The following CDHR3 variants were observed in gnomAD, a reference collection of about 807,000 sequenced individuals.
The protein encoded by CDHR3 is cadherin related family member 3, also known as cadherin-related family member 3.
Under a neutral mutation model 86.6 loss-of-function variants are expected in CDHR3, and 79 were observed. That is an observed-to-expected ratio of 0.91 (90% CI 0.76 to 1.10). The LOEUF (loss-of-function observed/expected upper bound fraction) is 1.10, where lower values mean the gene tolerates loss of function less well. Among genes scored for constraint, CDHR3 ranks in the 50% least tolerant of loss-of-function variants. The pLI is 0.00. For synonymous variants in CDHR3, 421 were observed against 402.4 expected (o/e 1.05, Z -0.55); for missense variants, 1,081 against 1,077.6 (o/e 1.00, Z -0.04).
rs749156025 is a variant in CDHR3 at position 106,032,665 on chromosome 7, A to T, written c.2626A>T (p.Arg876Trp). 2 of 1,613,534 alleles carry T rather than the reference A, an allele frequency of 1.2e-6. No homozygotes were observed. The highest frequency in any genetic ancestry group is 1.7e-6 in the Non-Finnish European group (2 of 1,179,698). ...GAACAGAAATCCAGCCTTCATGAAC[A>T]GGGCTTACCCCAAACCACACCCAGG... ...PKNRNPAFMN[R>W]AYPKPHPGK The change falls in exon 19 of 19, where the codon AGG (arginine) becomes TGG (tryptophan). Residue 876 changes from arginine (R) to tryptophan (W), a missense_variant. Transcript: ENST00000317716.
rs1055861839 is a variant in CDHR3, at chr7:106,015,201, C to T, written c.1315C>T (p.Pro439Ser). 1.2e-6 allele frequency: 2 copies of T among 1,608,008 alleles called. No individual in the cohort carries two copies. Among genetic ancestry groups the T allele is most frequent in the South Asian group, 1.1e-5 (1 of 89,306 alleles). ...AATCCAGGTGCAGGATGTGGCCCCC[C>T]CTTACTATAAAAGCAAGTATCATTT... ...VIIQVQDVAP[P>S]YYKNNVYVYI... Residue 439 changes from proline (P) to serine (S), a missense_variant, in exon 10 of 19, where the codon CCT (proline) becomes TCT (serine). Pro to Ser is a moderately conservative substitution (Grantham distance 74). Transcript: ENST00000317716.
At chr7:106,010,019 T>A (rs906486949) in intron 8 of CDHR3, among the ~76,000 whole-genome samples, 2 of 152,112 alleles carry the variant, frequency 1.3e-5, no homozygotes, top group Non-Finnish European at 2.9e-5. Flanking sequence ...ATACCAACTG[T>A]CAGGGACGAA....
intron 1 of CDHR3, among the ~76,000 whole-genome samples, chr7:105,974,432 A>C (rs1012167175): frequency 6.6e-6 from 1 of 152,182 alleles, no homozygotes; most frequent in Non-Finnish European, 1.5e-5. Context: ...CAGAGAAGGA[A>C]AACAAACTCT....
At position 106,030,987 on chromosome 7, in the gene CDHR3, T is replaced by C. The variant is rs1838242791; in HGVS notation, c.2353+147T>C. ...CTATATAGTGCTGACTCTTCTAGGC[T>C]AAATACAACGTGAGATCAGCTGTGA... is the stretch of plus-strand genomic sequence containing the variant. On this transcript the variant is annotated intron_variant, in intron 18 of 18. Coordinates refer to ENST00000317716, the MANE Select transcript of CDHR3 (RefSeq NM_152750.5). The surrounding 1 kb of genome is among the most constrained non-coding windows in gnomAD (Gnocchi z 4.8). 1 of 747,668 alleles carries C rather than the reference T, an allele frequency of 1.3e-6. No individual in the cohort carries two copies. The highest frequency in any genetic ancestry group is 2.2e-6 in the Non-Finnish European group (1 of 446,142). 46.3% of individuals were successfully genotyped at this position (747,668 alleles called of 1,614,324 possible).
intron 5 of CDHR3, among the ~76,000 whole-genome samples, chr7:105,996,036 T>C (rs995652566): frequency 2.6e-5 from 4 of 152,018 alleles, no homozygotes; most frequent in Admixed American, 1.3e-4. Flanking sequence ...TGGTGGTGAA[T>C]AGCCCCTGCA....
chr7:105,994,002 G>C (rs1831800835), intron 4 of CDHR3, among the ~76,000 whole-genome samples: 1 of 152,174 alleles, frequency 6.6e-6, no homozygotes, highest in South Asian at 2.1e-4. Flanking sequence ...CACGTGCCAG[G>C]GATTAGATTT....
chr7:105,984,263 G>A lies in CDHR3; in HGVS notation c.487G>A (p.Asp163Asn), dbSNP rs1252404040. Residue 163 changes from aspartate (D) to asparagine (N), a missense_variant, in exon 4 of 19, where the codon GAC becomes AAC. Physicochemically the swap from Asp to Asn is conservative, Grantham distance 23. Transcript: ENST00000317716. ...IYQVEAFDPE[D>N]TSRNIPLSYF... ...CCAGGTTGAGGCCTTCGATCCAGAA[G>A]ACACAAGCCGAAACATTCCCCTCAG... 6.2e-7 allele frequency: 1 copy of A among 1,610,122 alleles called. No homozygotes were observed. The highest frequency in any genetic ancestry group is 1.3e-5 in the African/African-American group (1 of 74,868).
In CDHR3 at chr7:106,022,416, C is replaced by T. The variant is rs776084252; in HGVS notation, c.2044C>T (p.His682Tyr). The change falls in exon 14 of 19, where the codon CAC (histidine) becomes TAC (tyrosine). Residue 682 changes from histidine (H) to tyrosine (Y), a missense_variant. Coordinates refer to ENST00000317716, the MANE Select transcript of CDHR3 (RefSeq NM_152750.5). The part of the protein sequence containing the change: ...TVTLSIKVIP[H>Y]PTTIITTTPR... ...GACACTGAGTATTAAAGTCATTCCC[C>T]ACCCAACCACTATCATCACCACGAC... 3.8e-5 allele frequency: 62 copies of T among 1,613,902 alleles called. No homozygotes were observed. Among genetic ancestry groups the T allele is most frequent in the Non-Finnish European group, 5.1e-5 (60 of 1,179,886 alleles).
In CDHR3 at chr7:106,004,533, C is replaced by T. The variant is rs772061729; in HGVS notation, c.898C>T (p.Arg300Ter). ...AATCCAAGTGGCCCAAAGGATAGACCGAGATGCAGGTGAATTGAGACAAAA... is the reference window on the plus strand; with the variant it reads ...AATCCAAGTGGCCCAAAGGATAGACTGAGATGCAGGTGAATTGAGACAAAA... The part of the protein sequence containing the change: ...GTIQVAQRID[R>*]DAGELRQNPT... The change falls in exon 8 of 19, where the codon CGA becomes TGA. Residue 300 changes from arginine (R) to a stop codon, truncating the protein, a stop_gained. Transcript: ENST00000317716. LOFTEE classifies it high-confidence loss of function. The T allele has an allele frequency of 5.3e-5, 86 of 1,613,828 alleles. No homozygotes were observed. The highest frequency in any genetic ancestry group is 6.5e-5 in the Non-Finnish European group (77 of 1,179,886).
In CDHR3 at chr7:105,974,976, C is replaced by G; in HGVS notation, c.179C>G (p.Pro60Arg). 1 of 1,613,886 alleles carries G rather than the reference C, an allele frequency of 6.2e-7. No homozygotes were observed. Among genetic ancestry groups the G allele is most frequent in the Non-Finnish European group, 8.5e-7 (1 of 1,179,856 alleles). ...TTGTCACCTGTGATCCCAGGATTTC[C>G]CCAGATAGTCAACTCAAATCCCCTC... The part of the protein sequence containing the change: ...ASLSPVIPGF[P>R]QIVNSNPLTE... The change falls in exon 2 of 19, where the codon CCC (proline) becomes CGC (arginine). Residue 60 changes from proline to arginine, a missense_variant. Coordinates refer to ENST00000317716, the MANE Select transcript of CDHR3 (RefSeq NM_152750.5).
At chr7:105,982,103 G>C (rs149188903) in intron 3 of CDHR3, among the ~76,000 whole-genome samples, 432 of 152,136 alleles carry the variant, frequency 2.8e-3, no homozygotes, top group Admixed American at 8.2e-3. Context: ...TAAAACGTCA[G>C]TTAAATCAAG....
chr7:105,987,184 T>C (rs965414755), intron 4 of CDHR3, among the ~76,000 whole-genome samples: 1 of 152,140 alleles, frequency 6.6e-6, no homozygotes, highest in Non-Finnish European at 1.5e-5. Context: ...GCAGCAGGTG[T>C]TGCTCCCTTC....
chr7:105,990,763 T>C (rs993721447), intron 4 of CDHR3, among the ~76,000 whole-genome samples: 1 of 152,148 alleles, frequency 6.6e-6, no homozygotes, highest in Non-Finnish European at 1.5e-5. Flanking sequence ...GTGGCACAGG[T>C]TGAATCATTG....
At chr7:105,979,772 G>C (rs1281815439) in intron 2 of CDHR3, among the ~76,000 whole-genome samples, 1 of 152,164 alleles carries the variant, frequency 6.6e-6, no homozygotes, top group Non-Finnish European at 1.5e-5. Flanking sequence ...CCTGGCCCTA[G>C]TCATATTAAT....
chr7:106,002,287 C>T (rs544894091), intron 7 of CDHR3, among the ~76,000 whole-genome samples: 5 of 152,256 alleles, frequency 3.3e-5, no homozygotes, highest in African/African-American at 4.8e-5. Flanking sequence ...TATGTCACAC[C>T]AGAGCCTTCA....
chr7:106,022,218 A>G lies in CDHR3; in HGVS notation c.1846A>G (p.Thr616Ala). ...TTTAGGTAACGTCAACAATCATTTCACCTTCTCTCCCAATGCTGGTTCCAA... is the reference window on the plus strand; with the variant it reads ...TTTAGGTAACGTCAACAATCATTTCGCCTTCTCTCCCAATGCTGGTTCCAA... ...IGPGNVNNHFTFSPNAGSNVT... is the reference protein window; with the variant it reads ...IGPGNVNNHFAFSPNAGSNVT... The change falls in exon 14 of 19, where the codon ACC becomes GCC. Residue 616 changes from threonine to alanine, a missense_variant. Transcript: ENST00000317716. 1 of 1,613,976 alleles carries G rather than the reference A, an allele frequency of 6.2e-7. No homozygotes were observed. The highest frequency in any genetic ancestry group is 1.1e-5 in the South Asian group (1 of 91,072).
At chr7:105,998,540 C>G (rs1021279161) in intron 6 of CDHR3, among the ~76,000 whole-genome samples, 22 of 152,112 alleles carry the variant, frequency 1.4e-4, no homozygotes, top group African/African-American at 5.1e-4. Flanking sequence ...GCCTGTAATC[C>G]CAGCACTTTG....
chr7:106,013,090 A>G, intron 9 of CDHR3, 59 bp downstream of exon 9: 1 of 1,459,270 alleles, frequency 6.9e-7, no homozygotes, highest in Non-Finnish European at 9.2e-7. Flanking sequence ...AACATGCATC[A>G]TGCTTTTGCT....
chr7:105,983,516 A>G (rs445992), intron 3 of CDHR3, among the ~76,000 whole-genome samples: 63,586 of 152,026 alleles, frequency 0.42, 13,754 homozygotes, highest in South Asian at 0.6. Flanking sequence ...GTGCCCCCCA[A>G]TAGAGTGAGT....
Sources: allele counts gnomAD v4.1 joint callset (sites outside exome capture counted in the v4.1 genomes callset), GRCh38; gene constraint gnomAD v4.1.1; non-coding constraint Gnocchi (gnomAD v3.1); transcripts MANE v1.5; gene names NCBI Gene and HGNC (gene_info 2026-07-23, HGNC 2026-07-21).